ADIPOR2: variants seen among roughly 807,000 people sequenced by gnomAD.
ADIPOR2 encodes adiponectin receptor 2, also known as adiponectin receptor protein 2.
ADIPOR2 carries 18 observed loss-of-function variants against 40.9 expected under a neutral mutation model. The ratio of observed to expected loss-of-function variants is 0.44; its 90% CI spans 0.30 to 0.65. The LOEUF (loss-of-function observed/expected upper bound fraction) is 0.65. Ranked by LOEUF, ADIPOR2 falls within the 30% of genes least tolerant of loss-of-function variation. The pLI, the probability that ADIPOR2 is intolerant of heterozygous loss-of-function variation, is 0.09. For missense variants in ADIPOR2, 283 were observed against 479.2 expected (o/e 0.59, Z 3.82); for synonymous variants, 165 against 166.4 (o/e 0.99, Z 0.06).
At chr12:1,701,127 CTT>C (rs34379541) in intron 1 of ADIPOR2, among the ~76,000 whole-genome samples, 36 of 123,718 alleles carry the variant, frequency 2.9e-4, no homozygotes, top group Non-Finnish European at 3.8e-4. Flanking sequence ...TGGTGTTGAT[CTT>C]TTTTTTTTTT....
At chr12:1,741,929 T>C (rs2094743653) in intron 1 of ADIPOR2, among the ~76,000 whole-genome samples, 4 of 152,074 alleles carry the variant, frequency 2.6e-5, no homozygotes, top group African/African-American at 9.7e-5. Context: ...AGGTTAAGAG[T>C]GTCTTCTTGA....
At chr12:1,739,235 C>T (rs958264968) in intron 1 of ADIPOR2, among the ~76,000 whole-genome samples, 3 of 152,082 alleles carry the variant, frequency 2.0e-5, no homozygotes, top group African/African-American at 7.2e-5. Context: ...TGCGTGTAGT[C>T]TAATGGGAGA....
At chr12:1,747,111 G>GCT (rs1250631645) in intron 1 of ADIPOR2, among the ~76,000 whole-genome samples, 1 of 139,674 alleles carries the variant, frequency 7.2e-6, no homozygotes, top group African/African-American at 2.7e-5. Context: ...CTTTAACACC[G>GCT]CTGTAAACCA....
intron 1 of ADIPOR2, chr12:1,697,924 A>G (rs757551552): frequency 6.6e-6 from 1 of 152,412 alleles, no homozygotes; most frequent in Non-Finnish European, 1.5e-5. Context: ...GAGAATCTCC[A>G]TATTGGATTT....
At chr12:1,701,779 T>C (rs1444026438) in intron 1 of ADIPOR2, among the ~76,000 whole-genome samples, 1 of 152,208 alleles carries the variant, frequency 6.6e-6, no homozygotes, top group Non-Finnish European at 1.5e-5. Flanking sequence ...GAACATTCCT[T>C]ATTAGGAATC....
chr12:1,784,182 A>G, intron 7 of ADIPOR2, 109 bp downstream of exon 7: 1 of 1,236,146 alleles, frequency 8.1e-7, no homozygotes, highest in Non-Finnish European at 1.1e-6. Flanking sequence ...GGAGAGTTGT[A>G]TCCTGGTCCT....
chr12:1,774,510 A>G (rs952189370), intron 3 of ADIPOR2, among the ~76,000 whole-genome samples: 8 of 152,208 alleles, frequency 5.3e-5, no homozygotes, highest in Non-Finnish European at 8.8e-5. Flanking sequence ...GTCTAGTGGC[A>G]CAGGGATTCT....
At chr12:1,766,560 C>A (rs1862385863) in intron 2 of ADIPOR2, among the ~76,000 whole-genome samples, 1 of 152,178 alleles carries the variant, frequency 6.6e-6, no homozygotes, top group East Asian at 1.9e-4. Flanking sequence ...AGGCCTCTGA[C>A]CCTAAAGCCT....
At chr12:1,779,546 A>T (rs1362663942) in intron 4 of ADIPOR2, among the ~76,000 whole-genome samples, 1 of 151,928 alleles carries the variant, frequency 6.6e-6, no homozygotes, top group Non-Finnish European at 1.5e-5. Context: ...CAGATACAGT[A>T]CTTCTGTTTG....
chr12:1,733,893 A>G (rs147753512), intron 1 of ADIPOR2, among the ~76,000 whole-genome samples: 2,287 of 152,154 alleles, frequency 0.015, 23 homozygotes, highest in Middle Eastern at 0.054. Flanking sequence ...TTTGCTGAGA[A>G]TGATGATTTC....
chr12:1,781,856 C>G (rs1407380381), intron 6 of ADIPOR2, among the ~76,000 whole-genome samples: 1 of 152,206 alleles, frequency 6.6e-6, no homozygotes, highest in Non-Finnish European at 1.5e-5. Context: ...ATGTCAGTGA[C>G]CACTGTTAAA....
Position 1,787,952 on chromosome 12 carries a change from A to C in ADIPOR2, c.*1880A>C, listed in dbSNP as rs1023651892. ...TGGATGAACTGGTGCAGTGCCTGAC[A>C]GAATAAAGAACAGTATTAATCCCTT... is the stretch of plus-strand genomic sequence containing the variant. On this transcript the variant is annotated 3_prime_UTR_variant, in exon 8 of 8. Coordinates refer to ENST00000357103, the MANE Select transcript of ADIPOR2 (RefSeq NM_024551.3). 4 of 152,714 alleles carry C rather than the reference A, an allele frequency of 2.6e-5. No homozygotes were observed. The highest frequency in any genetic ancestry group is 5.9e-5 in the Non-Finnish European group (4 of 68,078). 9.5% of individuals were successfully genotyped at this position (152,714 alleles called of 1,614,324 possible). A position where few individuals can be genotyped will look rare whatever the true frequency, so the allele number is the denominator to read the frequency against.
chr12:1,754,693 TTATTATTAC>T (rs1354301254), intron 2 of ADIPOR2, among the ~76,000 whole-genome samples, 179 bp downstream of exon 2: 2,562 of 136,722 alleles, frequency 0.019, 67 homozygotes, highest in East Asian at 0.092. Flanking sequence ...ATCTTTATTA[TTATTATTAC>T]TACTACTACT....
At chr12:1,776,080 T>G (rs980668643) in intron 3 of ADIPOR2, among the ~76,000 whole-genome samples, 20 of 152,112 alleles carry the variant, frequency 1.3e-4, no homozygotes, top group Non-Finnish European at 2.1e-4. Context: ...TTTGTATGGC[T>G]GGGGGCAGGA....
At chr12:1,706,603 A>T (rs750507703) in intron 1 of ADIPOR2, among the ~76,000 whole-genome samples, 16 of 152,188 alleles carry the variant, frequency 1.1e-4, no homozygotes, top group Non-Finnish European at 1.9e-4. Context: ...AATCAACTTT[A>T]TTGAAATATA....
At position 1,772,825 on chromosome 12, in the gene ADIPOR2, C is replaced by A. The variant is rs764224052; in HGVS notation, c.172-17C>A. On this transcript the variant is annotated splice_polypyrimidine_tract_variant and intron_variant, in intron 2 of 7. Coordinates refer to ENST00000357103, the MANE Select transcript of ADIPOR2 (RefSeq NM_024551.3). Reference sequence around the variant, plus strand: ...TCCCAGTCTCTGTCCTTGACTGTTTCTGTGATTGCCTTGCAGAGCTCTGAG... The same window carrying A: ...TCCCAGTCTCTGTCCTTGACTGTTTATGTGATTGCCTTGCAGAGCTCTGAG... The A allele has an allele frequency of 1.3e-6, 2 of 1,596,596 alleles. No individual in the cohort carries two copies. The highest frequency in any genetic ancestry group is 1.3e-5 in the African/African-American group (1 of 74,376).
intron 1 of ADIPOR2, among the ~76,000 whole-genome samples, chr12:1,719,470 A>G (rs1003797419): frequency 6.6e-5 from 10 of 152,218 alleles, no homozygotes; most frequent in African/African-American, 2.2e-4. Flanking sequence ...GCCATTTAGT[A>G]ACTATATGAA....
intron 1 of ADIPOR2, among the ~76,000 whole-genome samples, chr12:1,752,300 C>T (rs975322008): frequency 5.5e-5 from 7 of 128,222 alleles, no homozygotes; most frequent in African/African-American, 2.0e-4. Context: ...GTGGCGTGAT[C>T]TTGGCTCACT....
At chr12:1,743,001 T>C (rs2094746156) in intron 1 of ADIPOR2, among the ~76,000 whole-genome samples, 1 of 152,172 alleles carries the variant, frequency 6.6e-6, no homozygotes, top group African/African-American at 2.4e-5. Flanking sequence ...TTAGTTATGC[T>C]ACTCTCTTTT....
Sources: allele counts gnomAD v4.1 joint callset (sites outside exome capture counted in the v4.1 genomes callset), GRCh38; gene constraint gnomAD v4.1.1; transcripts MANE v1.5; gene names NCBI Gene and HGNC (gene_info 2026-07-23, HGNC 2026-07-21).